The following TTC28 variants were observed in gnomAD, a reference collection of about 807,000 sequenced individuals.
The protein encoded by TTC28 is tetratricopeptide repeat domain 28, also known as tetratricopeptide repeat protein 28.
A neutral mutation model predicts 198.0 loss-of-function variants in TTC28; 61 were observed. That is an observed-to-expected ratio of 0.31 (90% CI 0.25 to 0.38). The LOEUF is 0.38. Among genes scored for constraint, TTC28 ranks in the 10% least tolerant of loss-of-function variants. The pLI, the probability that TTC28 is intolerant of heterozygous loss-of-function variation, is 1.00. For missense variants in TTC28, 2,678 were observed against 3,164.0 expected (o/e 0.85, Z 3.69); for synonymous variants, 1,171 against 1,297.8 (o/e 0.90, Z 2.10).
At chr22:28,436,630 G>A (rs188173151) in intron 2 of TTC28, among the ~76,000 whole-genome samples, 9 of 152,298 alleles carry the variant, frequency 5.9e-5, no homozygotes, top group Admixed American at 3.9e-4. Context: ...ATCATACTAC[G>A]AGGAAAAACA....
chr22:28,280,590 G>A (rs774557476), intron 5 of TTC28, among the ~76,000 whole-genome samples: 4 of 152,060 alleles, frequency 2.6e-5, no homozygotes, highest in African/African-American at 9.7e-5. Context: ...CATCTGCCTC[G>A]GCCTCCCAGA....
chr22:28,450,522 A>T (rs1235096847), intron 2 of TTC28, among the ~76,000 whole-genome samples: 3 of 152,244 alleles, frequency 2.0e-5, no homozygotes, highest in Non-Finnish European at 4.4e-5. Context: ...ATATGTAATT[A>T]TCCGCACACA....
At chr22:28,357,172 T>A (rs1487050536) in intron 2 of TTC28, among the ~76,000 whole-genome samples, 1 of 152,032 alleles carries the variant, frequency 6.6e-6, no homozygotes, top group African/African-American at 2.4e-5. Context: ...AACCCATACC[T>A]CCTGGCTCCA....
chr22:28,166,005 C>CA (rs1271126988), intron 5 of TTC28, among the ~76,000 whole-genome samples: 1 of 151,626 alleles, frequency 6.6e-6, no homozygotes, highest in Non-Finnish European at 1.5e-5. Flanking sequence ...AAATGGAAAA[C>CA]AAAAAAAGGC....
At chr22:28,174,143 C>A (rs1233334897) in intron 5 of TTC28, among the ~76,000 whole-genome samples, 1 of 152,142 alleles carries the variant, frequency 6.6e-6, no homozygotes, top group Non-Finnish European at 1.5e-5. Flanking sequence ...TGGAATCAGG[C>A]ACACACTGAT....
chr22:28,428,862 G>T lies in TTC28; in HGVS notation c.382-122219C>A, dbSNP rs999313686. Among the ~76,000 whole-genome samples the T allele has an allele frequency of 2.8e-4, 42 of 151,926 alleles. 2 individuals are homozygous for T. The highest frequency in any genetic ancestry group is 9.7e-4 in the African/African-American group (40 of 41,438). On this transcript the variant is annotated intron_variant, in intron 2 of 22. Transcript: ENST00000397906. ...CCACCATGATAGCCAGGATGGTCTC[G>T]ATCTCCTGACCTCGTGATCTGCCCG...
intron 5 of TTC28, among the ~76,000 whole-genome samples, chr22:28,257,326 A>G (rs184085830): frequency 6.6e-6 from 1 of 152,344 alleles, no homozygotes; most frequent in East Asian, 1.9e-4. Context: ...CACTATTCAC[A>G]GTAGCCAAAA....
intron 2 of TTC28, among the ~76,000 whole-genome samples, chr22:28,416,030 G>A (rs1470799841): frequency 6.6e-6 from 1 of 152,078 alleles, no homozygotes; most frequent in African/African-American, 2.4e-5. Context: ...AAGCTTAAAG[G>A]CTTTCTTTTA....
intron 2 of TTC28, among the ~76,000 whole-genome samples, chr22:28,606,391 T>C (rs964136216): frequency 5.3e-5 from 8 of 152,098 alleles, no homozygotes; most frequent in African/African-American, 9.7e-5. Flanking sequence ...ACCCAGCCAA[T>C]TGTCAATTTT....
intron 2 of TTC28, among the ~76,000 whole-genome samples, chr22:28,547,920 C>G (rs928377379): frequency 6.6e-6 from 1 of 151,482 alleles, no homozygotes; most frequent in Non-Finnish European, 1.5e-5. Flanking sequence ...AGTTTCTTAG[C>G]ACTACAATCA....
intron 2 of TTC28, among the ~76,000 whole-genome samples, chr22:28,519,414 TAAA>T (rs1197839905): frequency 1.3e-5 from 2 of 152,082 alleles, no homozygotes; most frequent in African/African-American, 4.8e-5. Context: ...GGATGGCAGA[TAAA>T]AAAATAAACA....
At chr22:28,178,052 C>G (rs148654417) in intron 5 of TTC28, among the ~76,000 whole-genome samples, 2 of 151,316 alleles carry the variant, frequency 1.3e-5, no homozygotes, top group East Asian at 3.9e-4. Flanking sequence ...ATGTACCATA[C>G]TAATGCAGGA....
chr22:28,176,786 A>C (rs1411935973), intron 5 of TTC28, among the ~76,000 whole-genome samples: 1 of 152,230 alleles, frequency 6.6e-6, no homozygotes, highest in African/African-American at 2.4e-5. Context: ...CAGGGTACAA[A>C]GGTAGTTACA....
chr22:28,102,661 C>G (rs1942188256), intron 8 of TTC28, among the ~76,000 whole-genome samples: 1 of 152,150 alleles, frequency 6.6e-6, no homozygotes, highest in African/African-American at 2.4e-5. Flanking sequence ...TAGATGGAAG[C>G]CTGCCTCTGA....
At chr22:28,153,147 A>G (rs188035608) in intron 6 of TTC28, among the ~76,000 whole-genome samples, 112 of 152,096 alleles carry the variant, frequency 7.4e-4, no homozygotes, top group Middle Eastern at 3.4e-3. Context: ...TGATTTTATA[A>G]AAGTAATTTA....
At chr22:28,660,238 T>C (rs747101154) in intron 1 of TTC28, among the ~76,000 whole-genome samples, 7 of 152,260 alleles carry the variant, frequency 4.6e-5, no homozygotes, top group Non-Finnish European at 1.0e-4. Flanking sequence ...ATTTGTACTA[T>C]GAAAATTGAT....
At chr22:28,499,675 G>A (rs892011191) in intron 2 of TTC28, among the ~76,000 whole-genome samples, 9 of 152,092 alleles carry the variant, frequency 5.9e-5, no homozygotes, top group African/African-American at 1.9e-4. Context: ...AAGAAATAGC[G>A]TGTGAATTAA....
chr22:28,233,533 A>G (rs1928976592), intron 5 of TTC28, among the ~76,000 whole-genome samples: 1 of 152,210 alleles, frequency 6.6e-6, no homozygotes, highest in East Asian at 1.9e-4. Flanking sequence ...ATGATAAAAA[A>G]TAACCCAGAG....
chr22:28,138,201 A>G (rs748276997), intron 6 of TTC28, among the ~76,000 whole-genome samples: 1 of 152,204 alleles, frequency 6.6e-6, no homozygotes, highest in Non-Finnish European at 1.5e-5. Flanking sequence ...TACAGTATCA[A>G]TCAGCCAGAG....
Sources: allele counts gnomAD v4.1 joint callset (sites outside exome capture counted in the v4.1 genomes callset), GRCh38; gene constraint gnomAD v4.1.1; transcripts MANE v1.5; gene names NCBI Gene and HGNC (gene_info 2026-07-23, HGNC 2026-07-21).